The following TPGS2 variants were observed in gnomAD, a reference collection of about 807,000 sequenced individuals.
The protein encoded by TPGS2 is polyglutamylase subunit 2.
TPGS2 carries 26 observed loss-of-function variants against 31.1 expected under a neutral mutation model. That is an observed-to-expected ratio of 0.84 (90% CI 0.61 to 1.16). The LOEUF (loss-of-function observed/expected upper bound fraction) is 1.16, where lower values mean the gene tolerates loss of function less well. TPGS2 is among the 50% of genes most tolerant of loss of function. TPGS2 has a pLI of 0.00. For synonymous variants in TPGS2, 130 were observed against 136.6 expected (o/e 0.95, Z 0.34); for missense variants, 351 against 363.8 (o/e 0.96, Z 0.29).
intron 2 of TPGS2, among the ~76,000 whole-genome samples, chr18:36,816,305 G>A (rs1187558949): frequency 1.3e-5 from 2 of 152,142 alleles, no homozygotes; most frequent in Non-Finnish European, 2.9e-5. Context: ...AGGCAGATTA[G>A]ATCCCAAGAG....
At position 36,798,566 on chromosome 18, in the gene TPGS2, T is replaced by A. The variant is rs778644514; in HGVS notation, c.540A>T (p.Leu180Phe). The change falls in exon 6 of 7, where the codon TTA becomes TTT. Residue 180 changes from leucine (L) to phenylalanine (F), a missense_variant. Transcript: ENST00000334295. The part of the protein sequence containing the change: ...DTEIWFLDRA[L>F]YWHFLTDTFT... Reference sequence around the variant, plus strand: ...AGGTGTCTGTGAGAAAATGCCAGTATAACGCTCTGTCCAGGAACCAGATCT... The same window carrying A: ...AGGTGTCTGTGAGAAAATGCCAGTAAAACGCTCTGTCCAGGAACCAGATCT... 1.2e-6 allele frequency: 2 copies of A among 1,614,202 alleles called. No homozygotes were observed. Among genetic ancestry groups the A allele is most frequent in the South Asian group, 2.2e-5 (2 of 91,078 alleles).
intron 2 of TPGS2, among the ~76,000 whole-genome samples, chr18:36,815,722 G>T (rs891919271): frequency 1.3e-5 from 2 of 152,098 alleles, no homozygotes; most frequent in Non-Finnish European, 2.9e-5. Flanking sequence ...ACACCCCAAA[G>T]GCTATCTTAT....
At chr18:36,782,605 T>C (rs1158312483), downstream of TPGS2, among the ~76,000 whole-genome samples, 1 of 151,962 alleles carries the variant, frequency 6.6e-6, no homozygotes, top group Non-Finnish European at 1.5e-5. Flanking sequence ...GGAGATGGAG[T>C]GGGAGTTAGA....
chr18:36,803,950 T>C (rs1485379892), intron 4 of TPGS2, among the ~76,000 whole-genome samples: 1 of 152,084 alleles, frequency 6.6e-6, no homozygotes, highest in Non-Finnish European at 1.5e-5. Context: ...GTGTGGTGGC[T>C]ATTCACAGGT....
rs1235983719 is a variant in TPGS2, at chr18:36,828,912, G to A, written c.-145C>T. 3.7e-6 allele frequency: 4 copies of A among 1,072,000 alleles called. No individual in the cohort carries two copies. Among genetic ancestry groups the A allele is most frequent in the Non-Finnish European group, 5.3e-6 (4 of 759,970 alleles). 66.4% of individuals were successfully genotyped at this position (1,072,000 alleles called of 1,614,324 possible). On this transcript the variant is annotated 5_prime_UTR_variant, in exon 1 of 7. Coordinates refer to ENST00000334295, the MANE Select transcript of TPGS2 (RefSeq NM_015476.4). ...GCAGTGATGATGGGGGCCCGGGGTT[G>A]GTCTGACAGCAGCAGCTCCGTGGGG...
At chr18:36,816,071 T>TGG (rs2045640958) in intron 2 of TPGS2, among the ~76,000 whole-genome samples, 1 of 152,218 alleles carries the variant, frequency 6.6e-6, no homozygotes, top group South Asian at 2.1e-4. Flanking sequence ...ATTCCAAATC[T>TGG]ACGTATCTGA....
At chr18:36,822,213 T>G (rs997568044) in intron 1 of TPGS2, among the ~76,000 whole-genome samples, 1 of 152,226 alleles carries the variant, frequency 6.6e-6, no homozygotes, top group African/African-American at 2.4e-5. Context: ...GAGGCTTAAA[T>G]AGGCTTTCCG....
Position 36,796,914 on chromosome 18 carries a change from CCT to C in TPGS2, c.792_793del (p.Gly265AlafsTer24), listed in dbSNP as rs1178198307. 6.2e-7 allele frequency: 1 copy of C among 1,609,884 alleles called. No individual in the cohort carries two copies. The highest frequency in any genetic ancestry group is 1.3e-5 in the African/African-American group (1 of 74,594). ...CTGGCCACCTGCAGGCTGCACAGGCCCTTTCTTTTTTGGGATTACGATCTTGT... is the reference window on the plus strand; with the variant it reads ...CTGGCCACCTGCAGGCTGCACAGGCCTTCTTTTTTGGGATTACGATCTTGT... On this transcript the variant is annotated frameshift_variant, in exon 7 of 7. Transcript: ENST00000334295. LOFTEE classifies it high-confidence loss of function.
chr18:36,805,231 C>G, intron 4 of TPGS2, 143 bp downstream of exon 4: 1 of 984,770 alleles, frequency 1.0e-6, no homozygotes, highest in South Asian at 1.7e-5. Context: ...GTCATGTTCC[C>G]TGAATCCTCT....
chr18:36,797,105 G>A, intron 6 of TPGS2, 55 bp from the exon 7 acceptor site: 1 of 1,585,884 alleles, frequency 6.3e-7, no homozygotes, highest in Non-Finnish European at 8.5e-7. Flanking sequence ...ATGCCATTCT[G>A]TGTGCTCTTT....
intron 4 of TPGS2, among the ~76,000 whole-genome samples, chr18:36,801,716 G>A (rs1313438311): frequency 6.6e-6 from 1 of 152,086 alleles, no homozygotes; most frequent in African/African-American, 2.4e-5. Flanking sequence ...TCTCTTGTAT[G>A]TAATTTGTCT....
intron 5 of TPGS2, among the ~76,000 whole-genome samples, chr18:36,799,053 C>A (rs527866270): frequency 2.6e-5 from 4 of 152,218 alleles, no homozygotes; most frequent in South Asian, 2.1e-4. Flanking sequence ...CCACAAAAAA[C>A]CACCATGAAG....
chr18:36,806,566 C>A (rs1463181973), intron 3 of TPGS2, among the ~76,000 whole-genome samples: 2 of 152,000 alleles, frequency 1.3e-5, no homozygotes, highest in Non-Finnish European at 2.9e-5. Flanking sequence ...TAAAAAAGTA[C>A]CTCTGGCTGG....
At chr18:36,797,330 A>G (rs2044578814) in intron 6 of TPGS2, among the ~76,000 whole-genome samples, 1 of 152,160 alleles carries the variant, frequency 6.6e-6, no homozygotes, top group Admixed American at 6.5e-5. Context: ...TGATTTAGTG[A>G]GTCCTGAGCC....
rs1377652909 is a variant in TPGS2 at position 36,807,908 on chromosome 18, A to G, written c.192T>C (p.Asp64=). The G allele has an allele frequency of 6.2e-7, 1 of 1,614,068 alleles. No homozygotes were observed. Among genetic ancestry groups the G allele is most frequent in the African/African-American group, 1.3e-5 (1 of 74,940 alleles). Residue 64 remains aspartate (D), a synonymous_variant, in exon 3 of 7, where the codon GAT becomes GAC. Coordinates refer to ENST00000334295, the MANE Select transcript of TPGS2 (RefSeq NM_015476.4). The part of the protein sequence containing the change: ...EQKNNCVMPE[D]VKNFYLMTNG... Reference sequence around the variant, plus strand: ...TGGTCATCAGGTAAAAGTTCTTCACATCTTCAGGCATCACACAGTTATTCT... The same window carrying G: ...TGGTCATCAGGTAAAAGTTCTTCACGTCTTCAGGCATCACACAGTTATTCT...
downstream of TPGS2, among the ~76,000 whole-genome samples, chr18:36,791,013 T>C (rs927594468): frequency 1.3e-5 from 2 of 152,136 alleles, no homozygotes; most frequent in Admixed American, 6.5e-5. Flanking sequence ...TGGGAGGTGA[T>C]TGATTGAATC....
chr18:36,780,400 T>C (rs1372515991), downstream of TPGS2, among the ~76,000 whole-genome samples: 1 of 152,238 alleles, frequency 6.6e-6, no homozygotes, highest in Non-Finnish European at 1.5e-5. Context: ...AACTCACTCA[T>C]TGGCCTCTTA....
In TPGS2 at chr18:36,798,488, T is replaced by C. The variant is rs528882243; in HGVS notation, c.618A>G (p.Gln206=). The change falls in exon 6 of 7, where the codon CAA becomes CAG. Residue 206 remains glutamine, a synonymous_variant. Coordinates refer to ENST00000334295, the MANE Select transcript of TPGS2 (RefSeq NM_015476.4). ...TAATGCCATAGCTGGTGAAGGCATATTGCCACTGGGGCAGGCCCAGGTGGG... is the reference window on the plus strand; with the variant it reads ...TAATGCCATAGCTGGTGAAGGCATACTGCCACTGGGGCAGGCCCAGGTGGG... ...LITHLGLPQW[Q]YAFTSYGISP... The C allele has an allele frequency of 5.5e-4, 882 of 1,614,182 alleles. 15 individuals are homozygous for C. In the South Asian group the frequency reaches 9.0e-3, roughly 16 times the overall value.
downstream of TPGS2, among the ~76,000 whole-genome samples, chr18:36,781,402 C>G (rs1370647270): frequency 6.6e-6 from 1 of 152,114 alleles, no homozygotes; most frequent in East Asian, 1.9e-4. Flanking sequence ...GCCTGTAATC[C>G]CAGCACTTTG....
Sources: gnomAD v4.1 joint callset for allele counts (sites outside exome capture counted in the v4.1 genomes callset) on GRCh38, gnomAD v4.1.1 for gene constraint, MANE v1.5 for transcripts, NCBI Gene and HGNC (gene_info 2026-07-23, HGNC 2026-07-21) for gene names.